The following HSPG2 variants were observed in gnomAD, a reference collection of about 807,000 sequenced individuals.
The protein encoded by HSPG2 is heparan sulfate proteoglycan 2.
HSPG2 carries 278 observed loss-of-function variants against 526.6 expected under a neutral mutation model. That is an observed-to-expected ratio of 0.53 (90% CI 0.48 to 0.58). The LOEUF is 0.58. HSPG2 is among the 20% of genes least tolerant of loss of function. HSPG2 has a pLI of 0.00. For synonymous variants in HSPG2, 2,465 were observed against 2,555.4 expected, an observed-to-expected ratio of 0.96 and a Z score of 1.07; for missense variants, 5,354 against 6,099.5, an observed-to-expected ratio of 0.88 and a Z score of 4.07.
intron 37 of HSPG2, among the ~76,000 whole-genome samples, chr1:21,862,907 A>G (rs948831837): frequency 1.6e-4 from 24 of 151,382 alleles, no homozygotes; most frequent in Non-Finnish European, 2.7e-4. Context: ...TAAAAATACA[A>G]AAATTCGCCA....
chr1:21,829,424 A>C lies in HSPG2; in HGVS notation c.11951T>G (p.Met3984Arg). ...GPVEDFVSLA[M>R]VGGHLEFRYE... Reference sequence around the variant, plus strand: ...GCGGAACTCCAGGTGGCCGCCCACCATCGCCAGGGACACGAAGTCCTCCAC... The same window carrying C: ...GCGGAACTCCAGGTGGCCGCCCACCCTCGCCAGGGACACGAAGTCCTCCAC... The change falls in exon 87 of 97, where the codon ATG (methionine) becomes AGG (arginine). Residue 3984 changes from methionine to arginine, a missense_variant. Met to Arg is a moderately conservative substitution (Grantham distance 91). Coordinates refer to ENST00000374695, the MANE Select transcript of HSPG2 (RefSeq NM_005529.7). 1 of 1,613,374 alleles carries C rather than the reference A, an allele frequency of 6.2e-7. No homozygotes were observed.
chr1:21,910,263 C>T (rs1030660032), intron 1 of HSPG2, among the ~76,000 whole-genome samples: 1 of 152,202 alleles, frequency 6.6e-6, no homozygotes, highest in Non-Finnish European at 1.5e-5. Flanking sequence ...CCTTGCCCTC[C>T]GTAAGACCTT....
intron 86 of HSPG2, 32 bp from the exon 87 acceptor site, chr1:21,829,636 G>A: frequency 6.3e-7 from 1 of 1,575,536 alleles, no homozygotes. Flanking sequence ...TGAGGCAGTG[G>A]GGATCCTGGA....
At chr1:21,856,900 C>A in intron 44 of HSPG2, 115 bp downstream of exon 44, 1 of 1,120,656 alleles carries the variant, frequency 8.9e-7, no homozygotes, top group Non-Finnish European at 1.4e-6. Context: ...AGACCAGGAC[C>A]AGGCATGCAG....
At position 21,840,672 on chromosome 1, in the gene HSPG2, C is replaced by T. The variant is rs2098045027; in HGVS notation, c.9513+429G>A. 2.6e-5 allele frequency among the ~76,000 whole-genome samples: 4 copies of T among 152,170 alleles called. No homozygotes were observed. In the South Asian group the frequency reaches 8.3e-4, roughly 32 times the overall value. ...GCCAGGGTGGTCTCGAACTCCTGAC[C>T]TCAGGTGATCCACCCACTTTGGCCT... On this transcript the variant is annotated intron_variant, in intron 71 of 96. Transcript: ENST00000374695.
Position 21,833,796 on chromosome 1 carries a change from G to C in HSPG2, c.10830+20C>G. 3 of 1,559,204 alleles carry C rather than the reference G, an allele frequency of 1.9e-6. No individual in the cohort carries two copies. The highest frequency in any genetic ancestry group is 8.7e-7 in the Non-Finnish European group (1 of 1,145,310). On this transcript the variant is annotated intron_variant, in intron 78 of 96. Coordinates refer to ENST00000374695, the MANE Select transcript of HSPG2 (RefSeq NM_005529.7). The stretch of plus-strand genomic sequence containing the variant: ...CCCAGCCCCCAAGTCATGCCCGCTG[G>C]TTCCCTCTCCAGCACTTACCTTGCT...
intron 50 of HSPG2, 130 bp from the exon 51 acceptor site, chr1:21,853,200 C>A (rs899500424): frequency 3.2e-6 from 4 of 1,244,026 alleles, no homozygotes; most frequent in East Asian, 2.4e-5. Flanking sequence ...GGGACTAGGG[C>A]CACACCCTTC....
Position 21,852,723 on chromosome 1 carries a change from G to A in HSPG2, c.6701C>T (p.Thr2234Ile). ...SGPLEASVLV[T>I]IEASVIPGPI... Reference sequence around the variant, plus strand: ...ACCAGGGATGACAGAGGCTTCGATGGTGACCAGGACTGAGGCCTCTAGGGG... The same window carrying A: ...ACCAGGGATGACAGAGGCTTCGATGATGACCAGGACTGAGGCCTCTAGGGG... Residue 2234 changes from threonine (T) to isoleucine (I), a missense_variant, in exon 52 of 97, where the codon ACC becomes ATC. Transcript: ENST00000374695. The A allele has an allele frequency of 4.3e-6, 7 of 1,613,534 alleles. No individual in the cohort carries two copies. Among genetic ancestry groups the A allele is most frequent in the East Asian group, 2.2e-5 (1 of 44,890 alleles).
chr1:21,835,468 G>T, intron 76 of HSPG2, 72 bp downstream of exon 76: 1 of 964,788 alleles, frequency 1.0e-6, no homozygotes. Flanking sequence ...AACAGGGTCT[G>T]GGCCTTGTGC....
rs916507419 is a variant in HSPG2 at position 21,928,237 on chromosome 1, A to G, written c.63+8918T>C. The stretch of plus-strand genomic sequence containing the variant: ...GCCCAGGGAAGTGGCTCTGAGACCA[A>G]TGAGGACACAGACAAGTCAAAAAGG... On this transcript the variant is annotated intron_variant, in intron 1 of 96. Transcript: ENST00000374695. Among the ~76,000 whole-genome samples, 8 of 152,222 alleles carry G rather than the reference A, an allele frequency of 5.3e-5. 1 individual carries two copies. The highest frequency in any genetic ancestry group is 2.0e-4 in the Admixed American group (3 of 15,284).
intron 3 of HSPG2, among the ~76,000 whole-genome samples, chr1:21,891,806 T>C (rs542576865): frequency 6.6e-6 from 1 of 152,208 alleles, no homozygotes; most frequent in Admixed American, 6.5e-5. Context: ...AGATGGGGTC[T>C]TGCTATGTTG....
At chr1:21,829,745 T>A in intron 86 of HSPG2, 141 bp from the exon 87 acceptor site, 1 of 772,224 alleles carries the variant, frequency 1.3e-6, no homozygotes, top group Non-Finnish European at 2.1e-6. Flanking sequence ...CCAGCTGCAG[T>A]GGCACAGGAG....
rs1157179309 is a variant in HSPG2, at chr1:21,898,785, C to T, written c.64-2475G>A. ...TGGGGGGCTCTGTCAATGCCAATCC[C>T]CCTCTCATTGCAACCAAGGTTATGG... On this transcript the variant is annotated intron_variant, in intron 1 of 96. Transcript: ENST00000374695. The surrounding 1 kb of genome is among the most constrained non-coding windows in gnomAD (Gnocchi z 4.0). 6.6e-6 allele frequency among the ~76,000 whole-genome samples: 1 copy of T among 152,224 alleles called. No homozygotes were observed. The highest frequency in any genetic ancestry group is 6.5e-5 in the Admixed American group (1 of 15,284).
rs747640970 is a variant in HSPG2, at chr1:21,874,908, G to A, written c.3397C>T (p.Arg1133Cys). 1.7e-5 allele frequency: 28 copies of A among 1,612,080 alleles called. No homozygotes were observed. Among genetic ancestry groups the A allele is most frequent in the Middle Eastern group, 1.7e-4 (1 of 6,048 alleles). Residue 1133 changes from arginine (R) to cysteine (C), a missense_variant, in exon 26 of 97, where the codon CGT becomes TGT. Physicochemically the swap from Arg to Cys is radical, Grantham distance 180. Coordinates refer to ENST00000374695, the MANE Select transcript of HSPG2 (RefSeq NM_005529.7). ...VEQCSCPPGYRGPSCQDCDTG... is the reference protein window; with the variant it reads ...VEQCSCPPGYCGPSCQDCDTG... Reference sequence around the variant, plus strand: ...GGACTCACCTGGCAGGACGGCCCACGGTACCCGGGTGGGCAGGAGCACTGT... The same window carrying A: ...GGACTCACCTGGCAGGACGGCCCACAGTACCCGGGTGGGCAGGAGCACTGT...
chr1:21,854,104 C>T (rs1160323183), intron 50 of HSPG2, 89 bp downstream of exon 50: 6 of 1,403,008 alleles, frequency 4.3e-6, no homozygotes, highest in Non-Finnish European at 5.8e-6. Flanking sequence ...GGAATGCCCC[C>T]CTGTCCTGGT....
chr1:21,901,457 T>A (rs1327224112), intron 1 of HSPG2, among the ~76,000 whole-genome samples: 1 of 152,044 alleles, frequency 6.6e-6, no homozygotes, highest in Admixed American at 6.6e-5. Context: ...GGGAGGAGCC[T>A]GGCTGAGTGG....
At position 21,887,386 on chromosome 1, in the gene HSPG2, C is replaced by T; in HGVS notation, c.958+34G>A. 2 of 1,613,940 alleles carry T rather than the reference C, an allele frequency of 1.2e-6. No individual in the cohort carries two copies. The highest frequency in any genetic ancestry group is 1.7e-4 in the Middle Eastern group (1 of 6,012). ...CATCCTCCCGGGCCAGCTTCCTGCTCCCCGCACCCACCTGCACCCCTGCCG... is the reference window on the plus strand; with the variant it reads ...CATCCTCCCGGGCCAGCTTCCTGCTTCCCGCACCCACCTGCACCCCTGCCG... On this transcript the variant is annotated intron_variant, in intron 8 of 96. Coordinates refer to ENST00000374695, the MANE Select transcript of HSPG2 (RefSeq NM_005529.7). The surrounding 1 kb of genome is among the most constrained non-coding windows in gnomAD (Gnocchi z 5.0).
chr1:21,838,718 A>C, intron 74 of HSPG2, 107 bp downstream of exon 74: 1 of 1,197,888 alleles, frequency 8.3e-7, no homozygotes. Context: ...AGGGCATTCC[A>C]GGTGGGGTTA....
chr1:21,927,540 C>G (rs958787042), intron 1 of HSPG2, among the ~76,000 whole-genome samples: 6 of 152,154 alleles, frequency 3.9e-5, no homozygotes, highest in Admixed American at 6.5e-5. Context: ...CCCACCCCCC[C>G]CACTGTCACT....
Sources: gnomAD v4.1 joint callset for allele counts (sites outside exome capture counted in the v4.1 genomes callset) on GRCh38, gnomAD v4.1.1 for gene constraint, Gnocchi (gnomAD v3.1) non-coding constraint, MANE v1.5 for transcripts, NCBI Gene and HGNC (gene_info 2026-07-23, HGNC 2026-07-21) for gene names.